ARFGEF1: variants seen among roughly 807,000 people sequenced by gnomAD.
The protein encoded by ARFGEF1 is brefeldin A-inhibited guanine nucleotide-exchange protein 1.
A neutral mutation model predicts 231.0 loss-of-function variants in ARFGEF1; 42 were observed. The ratio of observed to expected loss-of-function variants is 0.18; its 90% CI spans 0.14 to 0.24. The LOEUF (loss-of-function observed/expected upper bound fraction) is 0.24. Among genes scored for constraint, ARFGEF1 ranks in the 10% least tolerant of loss-of-function variants. The pLI, the probability that ARFGEF1 is intolerant of heterozygous loss-of-function variation, is 1.00. For missense variants in ARFGEF1, 1,345 were observed against 2,192.0 expected (o/e 0.61, Z 7.72); for synonymous variants, 710 against 732.3 (o/e 0.97, Z 0.49).
intron 7 of ARFGEF1, among the ~76,000 whole-genome samples, chr8:67,284,795 G>C (rs1304589830): frequency 6.6e-6 from 1 of 152,152 alleles, no homozygotes; most frequent in African/African-American, 2.4e-5. Context: ...CTAGCAACAA[G>C]AGCATCTTGT....
At chr8:67,190,712 C>T in intron 5 of ARFGEF1, 1 of 1,614,114 alleles carries the variant, frequency 6.2e-7, no homozygotes, top group Non-Finnish European at 8.5e-7. Context: ...ATCACAGTTG[C>T]CCTCTGCACG....
intron 5 of ARFGEF1, among the ~76,000 whole-genome samples, chr8:67,190,993 CT>C: frequency 6.6e-6 from 1 of 152,300 alleles, no homozygotes; most frequent in African/African-American, 2.4e-5. Context: ...CTGTAAGTAG[CT>C]CCTCATCCCA....
chr8:67,271,927 T>C lies in ARFGEF1; in HGVS notation c.1347A>G (p.Glu449=). 6.2e-7 allele frequency: 1 copy of C among 1,604,732 alleles called. No individual in the cohort carries two copies. ...GCAATGAAAGAATCTTGGATCGTAGTTCATGAGACCTAAAATGTAAAAAAG... is the reference window on the plus strand; with the variant it reads ...GCAATGAAAGAATCTTGGATCGTAGCTCATGAGACCTAAAATGTAAAAAAG... ...SDGPPDPKSH[E]LRSKILSLQL... The change falls in exon 10 of 39, where the codon GAA becomes GAG. Residue 449 remains glutamate (E), a synonymous_variant. Coordinates refer to ENST00000262215, the MANE Select transcript of ARFGEF1 (RefSeq NM_006421.5).
At chr8:67,211,069 G>A (rs1217245631) in intron 34 of ARFGEF1, among the ~76,000 whole-genome samples, 5 of 146,672 alleles carry the variant, frequency 3.4e-5, no homozygotes, top group African/African-American at 1.0e-4. Flanking sequence ...AAAAGTGGCC[G>A]GGCATAGTGG....
downstream of ARFGEF1, chr8:67,175,183 A>C (rs75428500): frequency 1.3e-6 from 1 of 763,508 alleles, no homozygotes; most frequent in Non-Finnish European, 2.2e-6. Context: ...CACTATTTCT[A>C]TCATTTCCTT....
At chr8:67,218,189 ATT>A in intron 30 of ARFGEF1, 51 bp from the exon 31 acceptor site, 4 of 336,854 alleles carry the variant, frequency 1.2e-5, no homozygotes, top group Non-Finnish European at 1.5e-5. Context: ...AACTACTATG[ATT>A]AAAAAAAAAA....
In ARFGEF1 at chr8:67,343,362, G is replaced by A. The variant is rs1419534538; in HGVS notation, c.-75C>T. ...CTGGAGGGGAGGAGGAGGAGAGGAA[G>A]GAAGAGAAGAGAGAAAGGAGAGGGG... On this transcript the variant is annotated 5_prime_UTR_variant, in exon 1 of 39. Transcript: ENST00000262215. 3.2e-6 allele frequency: 5 copies of A among 1,569,444 alleles called. No homozygotes were observed. The highest frequency in any genetic ancestry group is 2.3e-5 in the East Asian group (1 of 43,372).
At position 67,198,181 on chromosome 8, in the gene ARFGEF1, C is replaced by G. The variant is rs1321867150; in HGVS notation, c.*753G>C. 3.0e-6 allele frequency: 3 copies of G among 985,570 alleles called. No individual in the cohort carries two copies. The African/African-American group carries it at 5.2e-5, about 17-fold the overall frequency. 61.1% of individuals were successfully genotyped at this position (985,570 alleles called of 1,614,324 possible). On this transcript the variant is annotated 3_prime_UTR_variant, in exon 39 of 39. Transcript: ENST00000262215. ...TTTTTCCCTATTGTTGAAGTGTCGGCCACAACAGCTTCTGGGCATGTTACA... is the reference window on the plus strand; with the variant it reads ...TTTTTCCCTATTGTTGAAGTGTCGGGCACAACAGCTTCTGGGCATGTTACA...
intron 6 of ARFGEF1, among the ~76,000 whole-genome samples, chr8:67,288,777 T>G (rs984749110): frequency 3.9e-5 from 6 of 151,996 alleles, no homozygotes; most frequent in Admixed American, 3.9e-4. Flanking sequence ...CTTAGGCTCA[T>G]CAATAGTAAG....
In ARFGEF1 at chr8:67,340,659, G is replaced by A. The variant is rs143310792; in HGVS notation, c.124+2505C>T. ...GTTCACCAGGGATTAGCTACCATGA[G>A]ATTACTGAGATTTTGCTTTGTTGGA... On this transcript the variant is annotated intron_variant, in intron 1 of 38. Transcript: ENST00000262215. Among the ~76,000 whole-genome samples, 9 of 152,334 alleles carry A rather than the reference G, an allele frequency of 5.9e-5. No individual in the cohort carries two copies. The East Asian group carries it at 1.5e-3, about 26-fold the overall frequency.
At chr8:67,337,007 C>T (rs1354277394) in intron 1 of ARFGEF1, among the ~76,000 whole-genome samples, 4 of 151,492 alleles carry the variant, frequency 2.6e-5, no homozygotes, top group African/African-American at 9.7e-5. Context: ...TAGCGCTACA[C>T]GAGATTAGCT....
intron 7 of ARFGEF1, among the ~76,000 whole-genome samples, chr8:67,284,209 A>T (rs1475897313): frequency 6.6e-6 from 1 of 152,198 alleles, no homozygotes; most frequent in Non-Finnish European, 1.5e-5. Context: ...ATGTTAGGTG[A>T]AAAAATGCAA....
At chr8:67,309,220 T>C (rs1806883379) in intron 1 of ARFGEF1, among the ~76,000 whole-genome samples, 2 of 152,084 alleles carry the variant, frequency 1.3e-5, no homozygotes, top group African/African-American at 2.4e-5. Flanking sequence ...GTCAAACTCA[T>C]AGAAGTAGAG....
At chr8:67,326,337 G>C (rs1322389220) in intron 1 of ARFGEF1, among the ~76,000 whole-genome samples, 1 of 152,206 alleles carries the variant, frequency 6.6e-6, no homozygotes, top group African/African-American at 2.4e-5. Context: ...TCCATCTCTA[G>C]AAAGGATGTA....
At chr8:67,200,213 G>A (rs543605934) in intron 38 of ARFGEF1, 183 bp downstream of exon 38, 6 of 660,834 alleles carry the variant, frequency 9.1e-6, no homozygotes, top group South Asian at 7.5e-5. Context: ...CTGGGTAAGG[G>A]GGGAGAAAAG....
At chr8:67,291,762 T>C in intron 6 of ARFGEF1, 85 bp downstream of exon 6, 1 of 1,490,434 alleles carries the variant, frequency 6.7e-7, no homozygotes, top group Non-Finnish European at 9.1e-7. Context: ...AATCATATTA[T>C]CCTTTCAACA....
At chr8:67,268,179 G>C (rs1163473742) in intron 10 of ARFGEF1, among the ~76,000 whole-genome samples, 1 of 152,106 alleles carries the variant, frequency 6.6e-6, no homozygotes, top group Non-Finnish European at 1.5e-5. Context: ...CACATTTATA[G>C]TATCTCCCCC....
chr8:67,244,670 GA>G (rs1409257661), intron 19 of ARFGEF1, among the ~76,000 whole-genome samples: 2 of 149,414 alleles, frequency 1.3e-5, no homozygotes, highest in African/African-American at 2.5e-5. Flanking sequence ...CAGGCTATCT[GA>G]AAAAAATACA....
chr8:67,304,106 G>A (rs756547991), intron 1 of ARFGEF1, among the ~76,000 whole-genome samples: 1 of 152,042 alleles, frequency 6.6e-6, no homozygotes, highest in Non-Finnish European at 1.5e-5. Flanking sequence ...GCTAAATTGG[G>A]GTATGATAAA....
Sources: allele counts gnomAD v4.1 joint callset (sites outside exome capture counted in the v4.1 genomes callset), GRCh38; gene constraint gnomAD v4.1.1; transcripts MANE v1.5; gene names NCBI Gene and HGNC (gene_info 2026-07-23, HGNC 2026-07-21).